ADGRE5: variants seen among roughly 807,000 people sequenced by gnomAD.
ADGRE5 encodes the protein adhesion G protein-coupled receptor E5.
In ADGRE5, 72 loss-of-function variants were observed where a neutral mutation model predicts 100.3. The ratio of observed to expected loss-of-function variants is 0.72; its 90% confidence interval spans 0.59 to 0.87. ADGRE5 has a LOEUF of 0.87. ADGRE5 is among the 40% of genes least tolerant of loss of function. The pLI is 0.00. For missense variants in ADGRE5, 959 were observed against 1,094.7 expected, an observed-to-expected ratio of 0.88 and a Z score of 1.75; for synonymous variants, 439 against 447.8, an observed-to-expected ratio of 0.98 and a Z score of 0.25.
At chr19:14,396,507 CG>C (rs751202255) in intron 5 of ADGRE5, 34 bp downstream of exon 5, 1 of 1,468,342 alleles carries the variant, frequency 6.8e-7, no homozygotes, top group African/African-American at 1.6e-5. Context: ...TGAGGCTGGA[CG>C]GGAGCTGGGG....
chr19:14,391,218 C>T, intron 4 of ADGRE5, 139 bp downstream of exon 4: 1 of 1,052,610 alleles, frequency 9.5e-7, no homozygotes, highest in Non-Finnish European at 1.4e-6. Context: ...TGCACATGTA[C>T]CTACCCCACC....
chr19:14,404,160 T>G (rs571712478), intron 12 of ADGRE5, among the ~76,000 whole-genome samples: 38 of 152,278 alleles, frequency 2.5e-4, no homozygotes, highest in Admixed American at 1.2e-3. Context: ...ATTACAGGCA[T>G]GAGCCACTAT....
chr19:14,388,904 G>A, intron 3 of ADGRE5, 86 bp downstream of exon 3: 2 of 1,249,138 alleles, frequency 1.6e-6, no homozygotes, highest in Non-Finnish European at 2.4e-6. Context: ...GTTGTGAGGG[G>A]CCACAGCCTT....
chr19:14,388,826 G>A lies in ADGRE5; in HGVS notation c.190+8G>A, dbSNP rs542458113. On this transcript the variant is annotated splice_region_variant and intron_variant, in intron 3 of 19. Transcript: ENST00000242786. ...CGACGGAGACTTGTGACGGTACAGA[G>A]GCTTGAGGGCAGCGCAGGGGACATC... is the stretch of plus-strand genomic sequence containing the variant. 2 of 1,611,982 alleles carry A rather than the reference G, an allele frequency of 1.2e-6. No homozygotes were observed. The highest frequency in any genetic ancestry group is 2.2e-5 in the East Asian group (1 of 44,826).
rs769239697 is a variant in ADGRE5 at position 14,406,693 on chromosome 19, C to T, written c.2049-7C>T. 7 of 1,614,098 alleles carry T rather than the reference C, an allele frequency of 4.3e-6. No individual in the cohort carries two copies. Among genetic ancestry groups the T allele is most frequent in the Non-Finnish European group, 5.9e-6 (7 of 1,179,982 alleles). ...GGCACTGATGGGACCCCTCCCTTCC[C>T]TCCTAGCTGCTGGTTGGACTTTGAG... On this transcript the variant is annotated splice_polypyrimidine_tract_variant and splice_region_variant and intron_variant, in intron 15 of 19. Coordinates refer to ENST00000242786, the MANE Select transcript of ADGRE5 (RefSeq NM_078481.4). The surrounding 1 kb of genome is among the most constrained non-coding windows in gnomAD (Gnocchi z 6.0).
intron 11 of ADGRE5, among the ~76,000 whole-genome samples, chr19:14,402,187 C>A (rs1338289640): frequency 1.3e-5 from 2 of 151,198 alleles, no homozygotes; most frequent in Non-Finnish European, 2.9e-5. Context: ...AGCACCCTAG[C>A]ACTTTGGCAG....
intron 1 of ADGRE5, 48 bp downstream of exon 1, chr19:14,381,593 G>C: frequency 6.3e-7 from 1 of 1,581,658 alleles, no homozygotes. Flanking sequence ...GCTCCAGCGG[G>C]ACCCCTTGGC....
chr19:14,400,157 C>A (rs1466001287), intron 9 of ADGRE5, among the ~76,000 whole-genome samples: 1 of 151,976 alleles, frequency 6.6e-6, no homozygotes, highest in Admixed American at 6.6e-5. Context: ...GTAGCTGGGA[C>A]TACAGGCGCC....
rs918562069 is a variant in ADGRE5, at chr19:14,400,042, C to T, written c.898-1344C>T. Among the ~76,000 whole-genome samples the T allele has an allele frequency of 2.7e-5, 4 of 150,256 alleles. No individual in the cohort carries two copies. In the East Asian group the frequency reaches 6.0e-4, roughly 22 times the overall value. The stretch of plus-strand genomic sequence containing the variant: ...TTTTTTTTTTTTCTTTTTTGTGAGA[C>T]GGAGTCTCGCTCTGTCGCCCAGGCC... On this transcript the variant is annotated intron_variant, in intron 9 of 19. Coordinates refer to ENST00000242786, the MANE Select transcript of ADGRE5 (RefSeq NM_078481.4).
In ADGRE5 at chr19:14,401,708, C is replaced by T; in HGVS notation, c.1131C>T (p.Ser377=). The change falls in exon 11 of 20, where the codon AGC becomes AGT. Residue 377 remains serine, a synonymous_variant. Transcript: ENST00000242786. This position sits in a 1 kb window ranked among gnomAD's most constrained non-coding sequence, Gnocchi z 4.1. ...RGDKNVTMGQ[S]SARMKLNWAV... ...ACAAGAACGTCACTATGGGTCAGAGCAGCGCACGCATGAAGCTGAATTGGG... is the reference window on the plus strand; with the variant it reads ...ACAAGAACGTCACTATGGGTCAGAGTAGCGCACGCATGAAGCTGAATTGGG... The T allele has an allele frequency of 6.3e-7, 1 of 1,583,926 alleles. No homozygotes were observed. Among genetic ancestry groups the T allele is most frequent in the Non-Finnish European group, 8.6e-7 (1 of 1,165,104 alleles).
intron 9 of ADGRE5, among the ~76,000 whole-genome samples, chr19:14,398,733 C>G (rs897324144): frequency 6.6e-6 from 1 of 150,900 alleles, no homozygotes; most frequent in South Asian, 2.1e-4. Context: ...TCAAATCCCC[C>G]CATTGCCACT....
At position 14,405,950 on chromosome 19, in the gene ADGRE5, G is replaced by GCC; in HGVS notation, c.1821+14_1821+15dup. The GCC allele has an allele frequency of 6.2e-7, 1 of 1,600,628 alleles. No individual in the cohort carries two copies. The highest frequency in any genetic ancestry group is 8.5e-7 in the Non-Finnish European group (1 of 1,178,028). On this transcript the variant is annotated intron_variant, in intron 14 of 19. Transcript: ENST00000242786. ...AACGAAGGCGGCCAGGTGAGGTCCCGCCCCGCTCCCTCCTGAGCTCTGGGG... is the reference window on the plus strand; with the variant it reads ...AACGAAGGCGGCCAGGTGAGGTCCCGCCCCCCGCTCCCTCCTGAGCTCTGGGG...
rs1282764848 is a variant in ADGRE5, at chr19:14,401,514, C to G, written c.1026C>G (p.Ala342=). The part of the protein sequence containing the change: ...SNLEDIMRIL[A]KSLPKGPFTY... ...TTGAAGATATCATGAGGATCCTGGC[C>G]AAGAGCCTGCCTAAAGGCCCCTTCA... Residue 342 remains alanine (A), a synonymous_variant, in exon 10 of 20, where the codon GCC becomes GCG. Coordinates refer to ENST00000242786, the MANE Select transcript of ADGRE5 (RefSeq NM_078481.4). This position sits in a 1 kb window ranked among gnomAD's most constrained non-coding sequence, Gnocchi z 4.1. The G allele has an allele frequency of 6.2e-7, 1 of 1,614,136 alleles. No homozygotes were observed. Among genetic ancestry groups the G allele is most frequent in the Admixed American group, 1.7e-5 (1 of 60,024 alleles).
At chr19:14,390,881 CTCACA>C (rs1568309842) in intron 3 of ADGRE5, 38 bp from the exon 4 acceptor site, 1 of 1,604,984 alleles carries the variant, frequency 6.2e-7, no homozygotes, top group Non-Finnish European at 8.5e-7. Context: ...CCTGACAGAA[CTCACA>C]TCTTTGGGAG....
chr19:14,394,045 G>T (rs567075436), intron 4 of ADGRE5, among the ~76,000 whole-genome samples: 1 of 152,124 alleles, frequency 6.6e-6, no homozygotes, highest in Admixed American at 6.5e-5. Context: ...TAGGGGTGCC[G>T]CCCACCCACT....
chr19:14,396,593 C>T, intron 5 of ADGRE5, 120 bp downstream of exon 5: 5 of 1,456,718 alleles, frequency 3.4e-6, no homozygotes, highest in Non-Finnish European at 4.6e-6. Context: ...AGGTCAAGGA[C>T]CTGCTAAGCC....
chr19:14,383,142 G>A (rs959889100), intron 1 of ADGRE5, among the ~76,000 whole-genome samples: 1 of 152,120 alleles, frequency 6.6e-6, no homozygotes, highest in Non-Finnish European at 1.5e-5. Context: ...GGTTGAAGCT[G>A]CAGTGAGCTG....
rs1226484719 is a variant in ADGRE5, at chr19:14,406,280, A to T, written c.1822-51A>T. 2.9e-6 allele frequency: 4 copies of T among 1,389,390 alleles called. No homozygotes were observed. In the South Asian group the frequency reaches 3.9e-5, roughly 14 times the overall value. The allele number at this position is 1,389,390 out of a possible 1,614,324, so 86.1% of individuals were successfully genotyped here. A position where few individuals can be genotyped will look rare whatever the true frequency, so the allele number is the denominator to read the frequency against. On this transcript the variant is annotated intron_variant, in intron 14 of 19. Transcript: ENST00000242786. This position sits in a 1 kb window ranked among gnomAD's most constrained non-coding sequence, Gnocchi z 6.0. ...GGCAGGCGACTGGCTCTGGCGCCGC[A>T]TGCCCCTCCCCGCGCTGACGTCGCT...
chr19:14,390,316 GT>G lies in ADGRE5; in HGVS notation c.191-599del, dbSNP rs1052297415. ...GGAGGGGGTACATTCTGGCTATGAGGTTTTTTTTTCCTTTTTTTTTTTTTTG... is the reference window on the plus strand; with the variant it reads ...GGAGGGGGTACATTCTGGCTATGAGGTTTTTTTTCCTTTTTTTTTTTTTTG... On this transcript the variant is annotated intron_variant, in intron 3 of 19. Transcript: ENST00000242786. Among the ~76,000 whole-genome samples the G allele has an allele frequency of 1.7e-4, 25 of 147,880 alleles. No individual in the cohort carries two copies. The East Asian group carries it at 2.4e-3, about 14-fold the overall frequency.
Sources: allele counts gnomAD v4.1 joint callset (sites outside exome capture counted in the v4.1 genomes callset), GRCh38; gene constraint gnomAD v4.1.1; non-coding constraint Gnocchi (gnomAD v3.1); transcripts MANE v1.5; gene names NCBI Gene and HGNC (gene_info 2026-07-23, HGNC 2026-07-21).